The following CTNND2 variants were observed in gnomAD, a reference collection of about 807,000 sequenced individuals.
The protein encoded by CTNND2 is catenin delta 2, also known as catenin delta-2.
In CTNND2, 22 loss-of-function variants were observed where a neutral mutation model predicts 144.4. That is an observed-to-expected ratio of 0.15 (90% CI 0.11 to 0.22). The LOEUF (loss-of-function observed/expected upper bound fraction) is 0.22. CTNND2 is among the 10% of genes least tolerant of loss of function. The pLI is 1.00. For missense variants in CTNND2, 1,353 were observed against 1,618.8 expected, an observed-to-expected ratio of 0.84 and a Z score of 2.82; for synonymous variants, 751 against 695.6, an observed-to-expected ratio of 1.08 and a Z score of -1.25.
At chr5:11,614,087 T>C (rs890663856) in intron 2 of CTNND2, among the ~76,000 whole-genome samples, 1 of 152,178 alleles carries the variant, frequency 6.6e-6, no homozygotes, top group African/African-American at 2.4e-5. Flanking sequence ...CAATGGACAT[T>C]TTTCCTATAC....
intron 2 of CTNND2, among the ~76,000 whole-genome samples, chr5:11,677,518 G>A (rs748858839): frequency 3.3e-5 from 5 of 152,182 alleles, no homozygotes; most frequent in Non-Finnish European, 5.9e-5. Context: ...GACTACTATA[G>A]CGATTATGAT....
intron 1 of CTNND2, among the ~76,000 whole-genome samples, chr5:11,869,870 G>A (rs1193518866): frequency 2.0e-5 from 3 of 152,176 alleles, no homozygotes; most frequent in Non-Finnish European, 4.4e-5. Flanking sequence ...TCACTAAGGT[G>A]TTAGGAACAA....
Position 11,346,528 on chromosome 5 carries a change from T to C in CTNND2, c.1472A>G (p.Tyr491Cys), listed in dbSNP as rs1307654389. Residue 491 changes from tyrosine (Y) to cysteine (C), a missense_variant, in exon 9 of 22, where the codon TAT (tyrosine) becomes TGT (cysteine). Tyr to Cys is a radical substitution (Grantham distance 194). Transcript: ENST00000304623. ...GTAATTGGAGGCTGGGCCGGCGGCA[T>C]AGCTGGCCCTCTGGAAGGTGGCCGC... ...AAAATFQRAS[Y>C]AAGPASNYAD... is the part of the protein sequence containing the mutation. 1 of 1,605,380 alleles carries C rather than the reference T, an allele frequency of 6.2e-7. No homozygotes were observed. The highest frequency in any genetic ancestry group is 8.5e-7 in the Non-Finnish European group (1 of 1,176,236).
chr5:11,310,195 A>C (rs747653570), intron 9 of CTNND2, among the ~76,000 whole-genome samples: 76 of 152,110 alleles, frequency 5.0e-4, no homozygotes, highest in Non-Finnish European at 9.3e-4. Flanking sequence ...GCTAGGGAGA[A>C]ATAAATAAAA....
chr5:11,329,407 G>C (rs139340314), intron 9 of CTNND2, among the ~76,000 whole-genome samples: 1 of 152,062 alleles, frequency 6.6e-6, no homozygotes, highest in African/African-American at 2.4e-5. Context: ...CCCATCCCTC[G>C]GCCTCCCAAA....
At chr5:11,607,303 G>A (rs1194528310) in intron 2 of CTNND2, among the ~76,000 whole-genome samples, 6 of 152,042 alleles carry the variant, frequency 3.9e-5, no homozygotes, top group South Asian at 4.1e-4. Flanking sequence ...ACTAATTCAC[G>A]CACATAATAC....
At chr5:11,436,970 G>T (rs1025107494) in intron 3 of CTNND2, among the ~76,000 whole-genome samples, 4 of 152,098 alleles carry the variant, frequency 2.6e-5, no homozygotes, top group African/African-American at 9.7e-5. Flanking sequence ...ATCTAAGTAT[G>T]CTAAAGACAT....
chr5:11,189,158 A>G (rs776960564), intron 11 of CTNND2, among the ~76,000 whole-genome samples: 9 of 152,200 alleles, frequency 5.9e-5, no homozygotes, highest in Non-Finnish European at 1.0e-4. Flanking sequence ...GGAAATACCA[A>G]GACTCCTCTC....
chr5:11,783,519 C>T (rs1277338863), intron 1 of CTNND2, among the ~76,000 whole-genome samples: 1 of 152,118 alleles, frequency 6.6e-6, no homozygotes, highest in Admixed American at 6.5e-5. Context: ...CAGCCGTAAG[C>T]CACATTCTCC....
chr5:11,288,600 G>A (rs1230518013), intron 9 of CTNND2, among the ~76,000 whole-genome samples: 2 of 151,934 alleles, frequency 1.3e-5, no homozygotes, highest in East Asian at 1.9e-4. Context: ...ACAAACTAAT[G>A]GGGGAAGCAC....
At position 11,181,626 on chromosome 5, in the gene CTNND2, T is replaced by C. The variant is rs188072939; in HGVS notation, c.1975+17822A>G. ...CAGGATGGTAGGGAGGGCTGTGTGA[T>C]AGCCAAAAACCCAGGAGGCTCCGTG... On this transcript the variant is annotated intron_variant, in intron 11 of 21. Transcript: ENST00000304623. Among the ~76,000 whole-genome samples the C allele has an allele frequency of 2.9e-3, 446 of 152,118 alleles. 4 individuals carry two copies. The highest frequency in any genetic ancestry group is 0.01 in the African/African-American group (422 of 41,490).
chr5:11,538,848 T>C (rs1342349412), intron 3 of CTNND2, among the ~76,000 whole-genome samples: 1 of 152,208 alleles, frequency 6.6e-6, no homozygotes, highest in Non-Finnish European at 1.5e-5. Flanking sequence ...AAAGTTCTCA[T>C]AAACAATTCT....
At chr5:11,501,744 C>T (rs1770542432) in intron 3 of CTNND2, among the ~76,000 whole-genome samples, 1 of 151,514 alleles carries the variant, frequency 6.6e-6, no homozygotes. Context: ...GCATGTGGCT[C>T]ACACCTGTAA....
chr5:10,992,613 G>A lies in CTNND2; in HGVS notation c.3149C>T (p.Pro1050Leu), dbSNP rs754489153. Residue 1050 changes from proline (P) to leucine (L), a missense_variant, in exon 19 of 22, where the codon CCC becomes CTC. Coordinates refer to ENST00000304623, the MANE Select transcript of CTNND2 (RefSeq NM_001332.4). ...GGAGGGCGTGCGGGAGGAGGAGTAG[G>A]GCCTTTGCCGGTCCCTCTCGATGGT... ...SSTIERDRQR[P>L]YSSSRTPSIS... 2 of 1,613,996 alleles carry A rather than the reference G, an allele frequency of 1.2e-6. No individual in the cohort carries two copies. Among genetic ancestry groups the A allele is most frequent in the East Asian group, 4.5e-5 (2 of 44,880 alleles).
intron 3 of CTNND2, among the ~76,000 whole-genome samples, chr5:11,534,257 A>G (rs1774014534): frequency 6.6e-6 from 1 of 152,196 alleles, no homozygotes; most frequent in Admixed American, 6.5e-5. Flanking sequence ...TGTAGGCACT[A>G]AAATCTCATA....
At chr5:11,682,300 A>G (rs539931676) in intron 2 of CTNND2, among the ~76,000 whole-genome samples, 2 of 152,352 alleles carry the variant, frequency 1.3e-5, no homozygotes, top group Admixed American at 6.5e-5. Flanking sequence ...AGAAACCAAC[A>G]GATGGAAGCA....
intron 9 of CTNND2, among the ~76,000 whole-genome samples, chr5:11,290,090 T>C (rs1442228805): frequency 6.6e-6 from 1 of 152,122 alleles, no homozygotes. Flanking sequence ...ACACATAAAC[T>C]AAGGAATGTT....
chr5:10,991,753 C>T (rs770292482), intron 19 of CTNND2, among the ~76,000 whole-genome samples: 14 of 152,262 alleles, frequency 9.2e-5, no homozygotes, highest in Non-Finnish European at 1.9e-4. Flanking sequence ...GTGGCATCTG[C>T]CGGTTTATCA....
At chr5:11,170,352 G>C (rs1225612662) in intron 11 of CTNND2, among the ~76,000 whole-genome samples, 2 of 152,142 alleles carry the variant, frequency 1.3e-5, no homozygotes. Flanking sequence ...GAAGGCATTT[G>C]AGTTCACAGA....
Sources: gnomAD v4.1 joint callset for allele counts (sites outside exome capture counted in the v4.1 genomes callset) on GRCh38, gnomAD v4.1.1 for gene constraint, MANE v1.5 for transcripts, NCBI Gene and HGNC (gene_info 2026-07-23, HGNC 2026-07-21) for gene names.